The following CABIN1 variants were observed in gnomAD, a reference collection of about 807,000 sequenced individuals.
CABIN1 encodes the protein calcineurin-binding protein cabin-1.
In CABIN1, 133 loss-of-function variants were observed where a neutral mutation model predicts 227.7. The ratio of observed to expected loss-of-function variants is 0.58; its 90% CI spans 0.51 to 0.67. The LOEUF is 0.67. CABIN1 is among the 30% of genes least tolerant of loss of function. The pLI, the probability that CABIN1 is intolerant of heterozygous loss-of-function variation, is 0.00. For synonymous variants in CABIN1, 1,086 were observed against 1,155.1 expected (o/e 0.94, Z 1.21); for missense variants, 2,408 against 2,852.5 (o/e 0.84, Z 3.55).
At chr22:24,027,907 A>T (rs769697772) in intron 1 of CABIN1, among the ~76,000 whole-genome samples, 1 of 150,956 alleles carries the variant, frequency 6.6e-6, no homozygotes, top group Non-Finnish European at 1.5e-5. Context: ...ATACAGATTG[A>T]GGAGGTCTCT....
At chr22:24,087,818 A>T in intron 23 of CABIN1, 105 bp downstream of exon 23, 2 of 1,436,234 alleles carry the variant, frequency 1.4e-6, no homozygotes, top group South Asian at 1.2e-5. Context: ...TTGTCCACAC[A>T]TCCATGCTGG....
Position 24,134,373 on chromosome 22 carries a change from A to T in CABIN1, c.4704A>T (p.Ala1568=), listed in dbSNP as rs1051070399. ...GGCAACAACTGCAGCACATGCCGGC[A>T]CAGGGGCTCTTCTGCGAGAGGAACA... ...IPWQQLQHMP[A]QGLFCERNKT... Residue 1568 remains alanine (A), a synonymous_variant, in exon 29 of 37, where the codon GCA becomes GCT. Coordinates refer to ENST00000263119, the MANE Select transcript of CABIN1 (RefSeq NM_012295.4). 3.1e-6 allele frequency: 5 copies of T among 1,614,076 alleles called. No individual in the cohort carries two copies. The African/African-American group carries it at 6.7e-5, about 22-fold the overall frequency.
At chr22:24,097,751 A>G (rs1174920251) in intron 25 of CABIN1, among the ~76,000 whole-genome samples, 9 of 152,348 alleles carry the variant, frequency 5.9e-5, no homozygotes, top group Admixed American at 1.3e-4. Context: ...TGGCTCCTCT[A>G]TAGAGCCTCT....
intron 23 of CABIN1, among the ~76,000 whole-genome samples, chr22:24,090,182 C>T (rs528298556): frequency 1.2e-3 from 180 of 152,326 alleles, no homozygotes; most frequent in Non-Finnish European, 2.0e-3. Flanking sequence ...GGGGGCTTAG[C>T]CTCTTCCCAA....
intron 27 of CABIN1, among the ~76,000 whole-genome samples, chr22:24,117,459 C>T (rs537015544): frequency 2.1e-4 from 32 of 152,218 alleles, no homozygotes; most frequent in Non-Finnish European, 4.1e-4. Context: ...CTTAGCCTCC[C>T]AAAGTGCTGG....
chr22:24,086,946 A>T (rs984991155), intron 22 of CABIN1, among the ~76,000 whole-genome samples: 3 of 152,118 alleles, frequency 2.0e-5, no homozygotes, highest in African/African-American at 7.2e-5. Flanking sequence ...TCTGCTGCCC[A>T]TGATTCTGGT....
At chr22:24,085,302 C>G (rs1009229227) in intron 22 of CABIN1, 151 bp downstream of exon 22, 2 of 878,576 alleles carry the variant, frequency 2.3e-6, no homozygotes, top group African/African-American at 3.3e-5. Flanking sequence ...TAGCACTTTG[C>G]TGTTGTTAGG....
At chr22:24,038,201 G>A in intron 3 of CABIN1, 147 bp from the exon 4 acceptor site, 1 of 670,530 alleles carries the variant, frequency 1.5e-6, no homozygotes, top group Non-Finnish European at 2.8e-6. Flanking sequence ...TCCCTTCCTG[G>A]AAGTTGGGAG....
rs367920612 is a variant in CABIN1 at position 24,096,072 on chromosome 22, G to C, written c.3928G>C (p.Ala1310Pro). The change falls in exon 25 of 37, where the codon GCT (alanine) becomes CCT (proline). Residue 1310 changes from alanine to proline, a missense_variant. Transcript: ENST00000263119. The part of the protein sequence containing the change: ...ARGEEKNTPK[A>P]SEKEKACLVD... The stretch of plus-strand genomic sequence containing the variant: ...GGGCGAGGAGAAGAACACACCCAAA[G>C]CTTCAGAAAAGTGAGTAGCACCCTT... The C allele has an allele frequency of 6.2e-7, 1 of 1,614,032 alleles. No individual in the cohort carries two copies.
chr22:24,150,959 C>T (rs1043001588), intron 29 of CABIN1, among the ~76,000 whole-genome samples: 5 of 152,172 alleles, frequency 3.3e-5, no homozygotes, highest in Admixed American at 6.5e-5. Flanking sequence ...AAATTTGTCC[C>T]TCTAGTTTGG....
chr22:24,139,639 G>A (rs529575208), intron 29 of CABIN1, among the ~76,000 whole-genome samples: 8 of 152,258 alleles, frequency 5.3e-5, no homozygotes, highest in African/African-American at 1.4e-4. Flanking sequence ...TCTTGGAGAA[G>A]TTTCCATGTG....
Position 24,172,905 on chromosome 22 carries a change from T to G in CABIN1, c.6040+910T>G, listed in dbSNP as rs6004075. 2.0e-3 allele frequency among the ~76,000 whole-genome samples: 304 copies of G among 152,288 alleles called. 2 individuals carry two copies. The highest frequency in any genetic ancestry group is 7.0e-3 in the African/African-American group (289 of 41,572). ...GCCCTTCCCTGTTGGTTCCCAGGAC[T>G]CTAGGACCATGTGGCCAGGCTCTGA... On this transcript the variant is annotated intron_variant, in intron 34 of 36. Coordinates refer to ENST00000263119, the MANE Select transcript of CABIN1 (RefSeq NM_012295.4).
intron 24 of CABIN1, among the ~76,000 whole-genome samples, chr22:24,095,708 C>T (rs565065011): frequency 3.9e-5 from 6 of 152,220 alleles, no homozygotes; most frequent in Non-Finnish European, 8.8e-5. Flanking sequence ...GCCTGAGTTA[C>T]TGCGTGAACG....
At chr22:24,059,615 C>T (rs1035962454) in intron 11 of CABIN1, among the ~76,000 whole-genome samples, 2 of 152,204 alleles carry the variant, frequency 1.3e-5, no homozygotes, top group African/African-American at 2.4e-5. Context: ...TCTATATAAG[C>T]ACACCTGTTG....
intron 7 of CABIN1, 98 bp downstream of exon 7, chr22:24,049,318 G>A: frequency 1.4e-6 from 2 of 1,438,722 alleles, no homozygotes; most frequent in Non-Finnish European, 1.9e-6. Context: ...CCCATGGATG[G>A]AGCCCCTGTG....
chr22:24,113,228 A>C (rs1384208011), intron 26 of CABIN1, among the ~76,000 whole-genome samples: 1 of 152,268 alleles, frequency 6.6e-6, no homozygotes, highest in Non-Finnish European at 1.5e-5. Flanking sequence ...TGGTAACTTG[A>C]AAATTGCCAT....
intron 16 of CABIN1, among the ~76,000 whole-genome samples, chr22:24,068,379 G>T (rs1330399846): frequency 6.6e-6 from 1 of 152,202 alleles, no homozygotes; most frequent in African/African-American, 2.4e-5. Context: ...CTGGGTGGGA[G>T]AAAGGGGAGA....
intron 29 of CABIN1, among the ~76,000 whole-genome samples, chr22:24,148,779 C>T (rs1213013692): frequency 6.6e-6 from 1 of 152,368 alleles, no homozygotes; most frequent in East Asian, 1.9e-4. Context: ...GCCCCACCCG[C>T]TCAGGCTGCA....
chr22:24,082,658 C>T lies in CABIN1; in HGVS notation c.2749-570C>T, dbSNP rs139629655. ...AATAGTTGGGCATAACAATAGCCGTCGGCTCTCATATTCTTAGATGTAACT... is the reference window on the plus strand; with the variant it reads ...AATAGTTGGGCATAACAATAGCCGTTGGCTCTCATATTCTTAGATGTAACT... On this transcript the variant is annotated intron_variant, in intron 19 of 36. Coordinates refer to ENST00000263119, the MANE Select transcript of CABIN1 (RefSeq NM_012295.4). Among the ~76,000 whole-genome samples the T allele has an allele frequency of 1.2e-4, 18 of 152,254 alleles. 1 individual carries two copies. The highest frequency in any genetic ancestry group is 5.8e-4 in the East Asian group (3 of 5,188).
Sources: gnomAD v4.1 joint callset for allele counts (sites outside exome capture counted in the v4.1 genomes callset) on GRCh38, gnomAD v4.1.1 for gene constraint, MANE v1.5 for transcripts, NCBI Gene and HGNC (gene_info 2026-07-23, HGNC 2026-07-21) for gene names.